The following EML6 variants were observed in gnomAD, a reference collection of about 807,000 sequenced individuals.
EML6 encodes EMAP like 6.
In EML6, 154 loss-of-function variants were observed where a neutral mutation model predicts 240.1. That is an observed-to-expected ratio of 0.64 (90% CI 0.56 to 0.73). EML6 has a LOEUF of 0.73. Ranked by LOEUF, EML6 falls within the 30% of genes least tolerant of loss-of-function variation. EML6 has a pLI of 0.00. For synonymous variants in EML6, 1,148 were observed against 899.0 expected (o/e 1.28, Z -4.95); for missense variants, 2,964 against 2,474.6 (o/e 1.20, Z -4.20).
intron 2 of EML6, among the ~76,000 whole-genome samples, chr2:54,792,540 A>G (rs1301641278): frequency 1.3e-5 from 2 of 152,222 alleles, no homozygotes; most frequent in Admixed American, 6.5e-5. Context: ...GCCAGACACA[A>G]GGGGCACAGG....
At chr2:54,885,907 A>G (rs1436036826) in intron 17 of EML6, among the ~76,000 whole-genome samples, 2 of 152,120 alleles carry the variant, frequency 1.3e-5, no homozygotes, top group Non-Finnish European at 2.9e-5. Flanking sequence ...CACCACGTCC[A>G]GCCCACTTTT....
intron 5 of EML6, among the ~76,000 whole-genome samples, chr2:54,823,886 C>CTCTCTCTCTCTTTCTG (rs1558580529): frequency 4.0e-5 from 6 of 150,908 alleles, no homozygotes; most frequent in African/African-American, 1.5e-4. Context: ...CTTTCTGTCT[C>CTCTCTCTCTCTTTCTG]TCTCTCTCTC....
intron 28 of EML6, 34 bp downstream of exon 28, chr2:54,928,785 T>C (rs977421636): frequency 1.3e-6 from 2 of 1,551,270 alleles, no homozygotes; most frequent in Middle Eastern, 1.7e-4. Flanking sequence ...GCTTTTATTA[T>C]ACCTGATGAC....
chr2:54,914,805 A>C (rs1673824052), intron 25 of EML6, among the ~76,000 whole-genome samples: 1 of 152,182 alleles, frequency 6.6e-6, no homozygotes, highest in Non-Finnish European at 1.5e-5. Flanking sequence ...TTTAAGAAAC[A>C]ATCATGGTAA....
chr2:54,893,561 G>A (rs1672595241), intron 19 of EML6, among the ~76,000 whole-genome samples: 1 of 152,152 alleles, frequency 6.6e-6, no homozygotes, highest in African/African-American at 2.4e-5. Flanking sequence ...CATGAGTTTT[G>A]GAGGGGGCTA....
At chr2:54,866,224 C>T (rs71413278) in intron 13 of EML6, among the ~76,000 whole-genome samples, 47 of 152,278 alleles carry the variant, frequency 3.1e-4, no homozygotes, top group Non-Finnish European at 5.6e-4. Flanking sequence ...AGTATAAATA[C>T]ACAGTAAACA....
chr2:54,819,844 A>G (rs1336038267), intron 4 of EML6, among the ~76,000 whole-genome samples: 1 of 152,068 alleles, frequency 6.6e-6, no homozygotes, highest in Non-Finnish European at 1.5e-5. Flanking sequence ...TGAAAATACA[A>G]TAGTATGTTG....
chr2:54,885,824 G>A (rs1287925960), intron 17 of EML6, among the ~76,000 whole-genome samples: 2 of 151,976 alleles, frequency 1.3e-5, no homozygotes, highest in Non-Finnish European at 2.9e-5. Context: ...TGTTAGCCAG[G>A]ATGGTCTCGA....
At chr2:54,771,113 G>C (rs527383997) in intron 2 of EML6, among the ~76,000 whole-genome samples, 4 of 152,222 alleles carry the variant, frequency 2.6e-5, no homozygotes, top group South Asian at 4.2e-4. Flanking sequence ...GGCAGGATCA[G>C]GCCTGATGAG....
In EML6 at chr2:54,916,725, T is replaced by C. The variant is rs1409105675; in HGVS notation, c.3499-34T>C. 9.6e-6 allele frequency: 14 copies of C among 1,458,736 alleles called. No homozygotes were observed. The East Asian group carries it at 3.5e-4, about 37-fold the overall frequency. 90.4% of individuals were successfully genotyped at this position (1,458,736 alleles called of 1,614,324 possible). A position where few individuals can be genotyped will look rare whatever the true frequency, so the allele number is the denominator to read the frequency against. ...CTTTTAAATAAAACAAACTAGGTTGTGCAAAAATATCATTCTCTTTCGTTC... is the reference window on the plus strand; with the variant it reads ...CTTTTAAATAAAACAAACTAGGTTGCGCAAAAATATCATTCTCTTTCGTTC... On this transcript the variant is annotated intron_variant, in intron 25 of 41. Transcript: ENST00000356458.
At chr2:54,920,342 C>T (rs1480037707) in intron 26 of EML6, among the ~76,000 whole-genome samples, 1 of 152,110 alleles carries the variant, frequency 6.6e-6, no homozygotes, top group Non-Finnish European at 1.5e-5. Flanking sequence ...ATAACTGATA[C>T]TGTAGAAATA....
At chr2:54,795,651 A>G (rs1669724493) in intron 2 of EML6, among the ~76,000 whole-genome samples, 1 of 152,214 alleles carries the variant, frequency 6.6e-6, no homozygotes, top group African/African-American at 2.4e-5. Context: ...TCAGTACTGT[A>G]CAGTCATGTA....
rs995283667 is a variant in EML6 at position 54,890,288 on chromosome 2, C to T, written c.2439-766C>T. On this transcript the variant is annotated intron_variant, in intron 17 of 41. Transcript: ENST00000356458. Reference sequence around the variant, plus strand: ...GTTTGCTAATATTTATGATGTTTGTCTCTATATTCGTAAGGCAGATCGGTC... The same window carrying T: ...GTTTGCTAATATTTATGATGTTTGTTTCTATATTCGTAAGGCAGATCGGTC... Among the ~76,000 whole-genome samples, 3 of 152,036 alleles carry T rather than the reference C, an allele frequency of 2.0e-5. 1 individual carries two copies. Among genetic ancestry groups the T allele is most frequent in the Non-Finnish European group, 4.4e-5 (3 of 68,004 alleles).
chr2:54,895,262 C>T lies in EML6; in HGVS notation c.2855-11C>T, dbSNP rs1178711791. On this transcript the variant is annotated splice_polypyrimidine_tract_variant and intron_variant, in intron 20 of 41. Transcript: ENST00000356458. ...TTGTTATTGTGTTAAATATACCATC[C>T]CCTTCCCCAGGCTTGCTTTTGGAAG... 31 of 1,551,224 alleles carry T rather than the reference C, an allele frequency of 2.0e-5. No individual in the cohort carries two copies. In the East Asian group the frequency reaches 7.1e-4, roughly 35 times the overall value.
intron 28 of EML6, among the ~76,000 whole-genome samples, chr2:54,937,508 A>G (rs1164441711): frequency 1.4e-5 from 2 of 140,798 alleles, no homozygotes; most frequent in Admixed American, 1.6e-4. Context: ...AGCCATGATC[A>G]TGCCACTGTA....
chr2:54,785,007 A>G (rs745511837), intron 2 of EML6, among the ~76,000 whole-genome samples: 4 of 152,134 alleles, frequency 2.6e-5, no homozygotes, highest in Non-Finnish European at 5.9e-5. Context: ...TTTTCTTGTA[A>G]TATGATGACT....
intron 31 of EML6, among the ~76,000 whole-genome samples, chr2:54,953,454 G>A (rs552864550): frequency 9.2e-5 from 14 of 152,194 alleles, no homozygotes; most frequent in African/African-American, 3.4e-4. Flanking sequence ...AAAATCCTCT[G>A]CAAGTGTGTG....
intron 11 of EML6, among the ~76,000 whole-genome samples, chr2:54,856,407 G>C (rs1451784277): frequency 6.6e-6 from 1 of 152,078 alleles, no homozygotes; most frequent in African/African-American, 2.4e-5. Flanking sequence ...TTCCTCCTTT[G>C]CATTACACCT....
At chr2:54,736,393 A>G (rs954937360) in intron 2 of EML6, among the ~76,000 whole-genome samples, 1 of 152,160 alleles carries the variant, frequency 6.6e-6, no homozygotes, top group Admixed American at 6.5e-5. Context: ...TGAACACTGC[A>G]TGGGCTCTGT....
Sources: gnomAD v4.1 joint callset for allele counts (sites outside exome capture counted in the v4.1 genomes callset) on GRCh38, gnomAD v4.1.1 for gene constraint, MANE v1.5 for transcripts, NCBI Gene and HGNC (gene_info 2026-07-23, HGNC 2026-07-21) for gene names.